CRADD: variants seen among roughly 807,000 people sequenced by gnomAD.
CRADD encodes the protein death domain-containing protein CRADD.
A neutral mutation model predicts 15.5 loss-of-function variants in CRADD; 9 were observed. That is an observed-to-expected ratio of 0.58 (90% CI 0.35 to 1.01). The LOEUF (loss-of-function observed/expected upper bound fraction) is 1.01, where lower values mean the gene tolerates loss of function less well. Among genes scored for constraint, CRADD ranks in the 50% least tolerant of loss-of-function variants. CRADD has a pLI of 0.02. For missense variants in CRADD, 227 were observed against 250.3 expected (o/e 0.91, Z 0.63); for synonymous variants, 118 against 107.6 (o/e 1.10, Z -0.60).
In CRADD at chr12:93,704,928, C is replaced by T. The variant is rs112776339; in HGVS notation, c.298+25856C>T. On this transcript the variant is annotated intron_variant, in intron 2 of 2. Coordinates refer to ENST00000332896, the MANE Select transcript of CRADD (RefSeq NM_003805.5). ...CCCAGTTTTGCTCTAATAAGTGGCT[C>T]CCTCTGGTAATTTAGGTGTCAGGCC... Among the ~76,000 whole-genome samples, 1,411 of 152,284 alleles carry T rather than the reference C, an allele frequency of 9.3e-3. 35 individuals carry two copies. The highest frequency in any genetic ancestry group is 0.032 in the African/African-American group (1,345 of 41,550).
chr12:93,877,227 G>A (rs1958463820), intron 2 of CRADD, among the ~76,000 whole-genome samples: 1 of 152,194 alleles, frequency 6.6e-6, no homozygotes, highest in African/African-American at 2.4e-5. Flanking sequence ...AACCTCTGTG[G>A]CTACCACCAC....
At chr12:93,866,895 A>G (rs1958371833) in intron 2 of CRADD, among the ~76,000 whole-genome samples, 1 of 152,306 alleles carries the variant, frequency 6.6e-6, no homozygotes, top group Non-Finnish European at 1.5e-5. Context: ...TGCTTTCAAA[A>G]TGATTGCTGC....
chr12:93,767,646 C>T (rs749300267), intron 2 of CRADD, among the ~76,000 whole-genome samples: 126 of 152,124 alleles, frequency 8.3e-4, no homozygotes, highest in Admixed American at 1.6e-3. Flanking sequence ...AGGATGTACA[C>T]CTAGTAAATG....
intron 2 of CRADD, among the ~76,000 whole-genome samples, chr12:93,830,696 T>C (rs1212234459): frequency 6.6e-6 from 1 of 152,210 alleles, no homozygotes; most frequent in Non-Finnish European, 1.5e-5. Context: ...CTTGCTAGGA[T>C]AATCATCTGC....
exon 3 of CRADD, chr12:93,894,275 C>CG (rs1958597318): frequency 2.8e-6 from 1 of 363,106 alleles, no homozygotes; most frequent in African/African-American, 2.2e-5. Flanking sequence ...TGTGGGTGGG[C>CG]GGGGGGCAGG....
chr12:93,838,466 G>A (rs573400368), intron 2 of CRADD, among the ~76,000 whole-genome samples: 4 of 151,762 alleles, frequency 2.6e-5, no homozygotes, highest in South Asian at 4.2e-4. Context: ...CAGGGGTACC[G>A]TGAGACAGCT....
At position 93,785,181 on chromosome 12, in the gene CRADD, A is replaced by G. The variant is rs116397622; in HGVS notation, c.299-64789A>G. ...CAATTGGCAAGCTATTTTTTGGTGT[A>G]TTTTCCTAGTCTGGGAGAGGAAGTT... On this transcript the variant is annotated intron_variant, in intron 2 of 2. Coordinates refer to ENST00000332896, the MANE Select transcript of CRADD (RefSeq NM_003805.5). Among the ~76,000 whole-genome samples the G allele has an allele frequency of 8.5e-3, 1,297 of 152,088 alleles. 22 individuals carry two copies. Among genetic ancestry groups the G allele is most frequent in the African/African-American group, 0.03 (1,239 of 41,486 alleles).
chr12:93,859,159 T>C (rs1439008700), intron 2 of CRADD, among the ~76,000 whole-genome samples: 1 of 152,148 alleles, frequency 6.6e-6, no homozygotes, highest in Non-Finnish European at 1.5e-5. Context: ...TGCAGATGAG[T>C]GTTTAACACA....
At chr12:93,742,824 G>A (rs950174568) in intron 2 of CRADD, among the ~76,000 whole-genome samples, 1 of 152,010 alleles carries the variant, frequency 6.6e-6, no homozygotes, top group African/African-American at 2.4e-5. Context: ...GTTTTGAAGG[G>A]GCGAGTCAGG....
In CRADD at chr12:93,707,943, A is replaced by G. The variant is rs193196469; in HGVS notation, c.298+28871A>G. The G allele has an allele frequency of 5.3e-5, 8 of 152,296 alleles. No homozygotes were observed. The South Asian group carries it at 1.2e-3, about 24-fold the overall frequency. 9.4% of individuals were successfully genotyped at this position (152,296 alleles called of 1,614,324 possible). A position where few individuals can be genotyped will look rare whatever the true frequency, so the allele number is the denominator to read the frequency against. On this transcript the variant is annotated intron_variant, in intron 2 of 2. Coordinates refer to ENST00000332896, the MANE Select transcript of CRADD (RefSeq NM_003805.5). ...TGATGTAATTCATTCTAGTCATTTGATGGATGGAGACTCTAAAAGTGGCAT... is the reference window on the plus strand; with the variant it reads ...TGATGTAATTCATTCTAGTCATTTGGTGGATGGAGACTCTAAAAGTGGCAT...
At chr12:93,801,839 A>G (rs1221016658) in intron 2 of CRADD, among the ~76,000 whole-genome samples, 3 of 152,212 alleles carry the variant, frequency 2.0e-5, no homozygotes, top group South Asian at 2.1e-4. Flanking sequence ...GTTGTCTTTT[A>G]TACCTCACCC....
intron 2 of CRADD, among the ~76,000 whole-genome samples, chr12:93,766,600 T>C (rs1957029219): frequency 6.6e-6 from 1 of 152,220 alleles, no homozygotes; most frequent in Admixed American, 6.5e-5. Flanking sequence ...GTGCTCCTAA[T>C]GCTTTTCTCT....
chr12:93,832,367 A>T (rs1957916727), intron 2 of CRADD, among the ~76,000 whole-genome samples: 1 of 152,184 alleles, frequency 6.6e-6, no homozygotes, highest in South Asian at 2.1e-4. Context: ...GCCACTCAAC[A>T]CAGCTGAACT....
chr12:93,737,853 A>C (rs1342232879), intron 2 of CRADD: 1 of 166,234 alleles, frequency 6.0e-6, no homozygotes, highest in Admixed American at 6.2e-5. Flanking sequence ...CTGTGCTTGT[A>C]ATTGCATGCT....
intron 2 of CRADD, among the ~76,000 whole-genome samples, chr12:93,760,741 T>C (rs1048001477): frequency 4.6e-5 from 7 of 151,768 alleles, no homozygotes; most frequent in Admixed American, 3.3e-4. Context: ...AGCACTGTTG[T>C]AGGGATGTTT....
chr12:93,817,955 C>T (rs1173885637), intron 2 of CRADD, among the ~76,000 whole-genome samples: 2 of 152,312 alleles, frequency 1.3e-5, no homozygotes, highest in South Asian at 2.1e-4. Flanking sequence ...GGCCGTGCAG[C>T]GGTGCCTTGT....
chr12:93,823,561 T>C (rs539910948), intron 2 of CRADD, among the ~76,000 whole-genome samples: 1 of 152,398 alleles, frequency 6.6e-6, no homozygotes, highest in South Asian at 2.1e-4. Flanking sequence ...TTAAGAATTC[T>C]CTGCCACTAA....
chr12:93,696,988 C>T (rs774402613), intron 2 of CRADD, among the ~76,000 whole-genome samples: 5 of 152,078 alleles, frequency 3.3e-5, no homozygotes, highest in Admixed American at 6.6e-5. Context: ...GCCTGTAGTC[C>T]CCCTGCAGAT....
At chr12:93,788,093 A>T (rs531500862) in intron 2 of CRADD, among the ~76,000 whole-genome samples, 1 of 152,300 alleles carries the variant, frequency 6.6e-6, no homozygotes, top group South Asian at 2.1e-4. Flanking sequence ...CATCTCTGCC[A>T]TGTCACCTGT....
Sources: allele counts gnomAD v4.1 joint callset (sites outside exome capture counted in the v4.1 genomes callset), GRCh38; gene constraint gnomAD v4.1.1; transcripts MANE v1.5; gene names NCBI Gene and HGNC (gene_info 2026-07-23, HGNC 2026-07-21).